DMP1: variants seen among roughly 807,000 people sequenced by gnomAD.
DMP1 encodes dentin matrix acidic phosphoprotein 1.
Under a neutral mutation model 14.6 loss-of-function variants are expected in DMP1, and 20 were observed. The ratio of observed to expected loss-of-function variants is 1.37; its 90% CI spans 0.96 to 1.99. The LOEUF (loss-of-function observed/expected upper bound fraction) is 1.99, where lower values mean the gene tolerates loss of function less well. Ranked by LOEUF, DMP1 falls within the 30% of genes most tolerant of loss-of-function variation. DMP1 has a pLI of 0.00. For synonymous variants in DMP1, 197 were observed against 215.3 expected (o/e 0.91, Z 0.75); for missense variants, 567 against 620.5 (o/e 0.91, Z 0.92).
At chr4:87,660,921 G>C (rs1016634716) in intron 5 of DMP1, 2 of 152,098 alleles carry the variant, frequency 1.3e-5, no homozygotes, top group African/African-American at 4.8e-5. Context: ...AAAAAAATTG[G>C]GGTCATTTTA....
At chr4:87,650,931 A>G (rs1026804298) in intron 1 of DMP1, among the ~76,000 whole-genome samples, 4 of 152,222 alleles carry the variant, frequency 2.6e-5, no homozygotes, top group Admixed American at 6.5e-5. Flanking sequence ...TGTGATAATT[A>G]TGTTTTTTGT....
chr4:87,655,616 AT>A (rs1468700616), intron 1 of DMP1, among the ~76,000 whole-genome samples: 1 of 152,148 alleles, frequency 6.6e-6, no homozygotes, highest in African/African-American at 2.4e-5. Context: ...GCAAAAAAAA[AT>A]CTATTTTGTG....
chr4:87,662,593 G>C lies in DMP1; in HGVS notation c.815G>C (p.Arg272Pro). Residue 272 changes from arginine (R) to proline (P), a missense_variant, in exon 6 of 6, where the codon CGC becomes CCC. Physicochemically the swap from Arg to Pro is moderately radical, Grantham distance 103. Coordinates refer to ENST00000339673, the MANE Select transcript of DMP1 (RefSeq NM_004407.4). ...AGTAGGAAAATTTTTAGGAAGTCTC[G>C]CATCTCAGAGGAAGATGACAGAAGC... Reference protein sequence around the residue: ...HPSRKIFRKSRISEEDDRSEL... With the variant: ...HPSRKIFRKSPISEEDDRSEL... The C allele has an allele frequency of 1.2e-6, 2 of 1,614,046 alleles. No homozygotes were observed. Among genetic ancestry groups the C allele is most frequent in the Non-Finnish European group, 1.7e-6 (2 of 1,179,982 alleles).
At chr4:87,651,218 G>A (rs1159444632) in intron 1 of DMP1, among the ~76,000 whole-genome samples, 5 of 152,034 alleles carry the variant, frequency 3.3e-5, no homozygotes, top group South Asian at 2.1e-4. Context: ...TTAAAAATGC[G>A]AACAAACTAT....
Position 87,656,544 on chromosome 4 carries a change from C to A in DMP1, c.52C>A (p.Pro18Thr). ...MFLWGLSCAL[P>T]VTRYQNNESE... Reference sequence around the variant, plus strand: ...CCTTTGGGGATTATCCTGTGCTCTCCCAGTAAGTATTAGGGTAGGGATATA... The same window carrying A: ...CCTTTGGGGATTATCCTGTGCTCTCACAGTAAGTATTAGGGTAGGGATATA... Residue 18 changes from proline (P) to threonine (T), a missense_variant and splice_region_variant, in exon 2 of 6, where the codon CCA becomes ACA. Pro to Thr is a conservative substitution (Grantham distance 38, BLOSUM62 -1). Transcript: ENST00000339673. The A allele has an allele frequency of 6.2e-7, 1 of 1,603,162 alleles. No homozygotes were observed. The highest frequency in any genetic ancestry group is 8.5e-7 in the Non-Finnish European group (1 of 1,170,216).
Position 87,650,921 on chromosome 4 carries a change from T to C in DMP1, c.-22+537T>C, listed in dbSNP as rs563964006. Among the ~76,000 whole-genome samples, 4 of 152,296 alleles carry C rather than the reference T, an allele frequency of 2.6e-5. No individual in the cohort carries two copies. In the South Asian group the frequency reaches 8.3e-4, roughly 32 times the overall value. ...ATTAAACTACTGAAATAACTGAGGG[T>C]GTGATAATTATGTTTTTTGTATTCA... On this transcript the variant is annotated intron_variant, in intron 1 of 5. Coordinates refer to ENST00000339673, the MANE Select transcript of DMP1 (RefSeq NM_004407.4).
In DMP1 at chr4:87,657,880, C is replaced by T. The variant is rs187631789; in HGVS notation, c.102+801C>T. Among the ~76,000 whole-genome samples the T allele has an allele frequency of 5.3e-5, 8 of 152,350 alleles. No individual in the cohort carries two copies. The East Asian group carries it at 1.3e-3, about 26-fold the overall frequency. ...CTACTGGCTTTTACATATGATAAAG[C>T]TTGGCCCCAATGCTTTTGGTGGTGG... On this transcript the variant is annotated intron_variant, in intron 3 of 5. Coordinates refer to ENST00000339673, the MANE Select transcript of DMP1 (RefSeq NM_004407.4).
intron 5 of DMP1, chr4:87,660,639 A>G (rs1333335020): frequency 6.6e-6 from 1 of 152,252 alleles, no homozygotes; most frequent in Non-Finnish European, 1.5e-5. Context: ...AGCATAATGT[A>G]TGAAGACTCA....
intron 1 of DMP1, among the ~76,000 whole-genome samples, chr4:87,655,866 G>T (rs185876178): frequency 4.7e-4 from 72 of 152,150 alleles, no homozygotes; most frequent in Non-Finnish European, 7.6e-4. Flanking sequence ...TTACTTTTTC[G>T]TCAATTTATC....
Position 87,662,083 on chromosome 4 carries a change from AAGATGACGATGAAGATGACAGTGG to A in DMP1, c.313_336del (p.Asp105_Asp112del). 1 of 1,614,182 alleles carries A rather than the reference AAGATGACGATGAAGATGACAGTGG, an allele frequency of 6.2e-7. No homozygotes were observed. The highest frequency in any genetic ancestry group is 8.5e-7 in the Non-Finnish European group (1 of 1,180,024). On this transcript the variant is annotated inframe_deletion, in exon 6 of 6. Transcript: ENST00000339673. ...AGCACAGGAAAAGGAGGAGATGATA[AAGATGACGATGAAGATGACAGTGG>A]AGATGACACCTTTGGTGACGATGAC... is the stretch of plus-strand genomic sequence containing the variant.
chr4:87,654,166 G>T (rs1728619228), intron 1 of DMP1, among the ~76,000 whole-genome samples: 1 of 152,064 alleles, frequency 6.6e-6, no homozygotes, highest in African/African-American at 2.4e-5. Context: ...AAACTAGGGG[G>T]GTCAGAGAAT....
At chr4:87,659,583 C>T (rs1343538613) in intron 5 of DMP1, 105 bp downstream of exon 5, 5 of 1,149,850 alleles carry the variant, frequency 4.3e-6, no homozygotes, top group Non-Finnish European at 5.3e-6. Flanking sequence ...TATTTTCTAA[C>T]TATGAGTTAT....
At chr4:87,661,152 C>T (rs531405908) in intron 5 of DMP1, among the ~76,000 whole-genome samples, 6 of 151,374 alleles carry the variant, frequency 4.0e-5, no homozygotes, top group African/African-American at 1.2e-4. Flanking sequence ...ATTCTCCTGC[C>T]TCAGCCTCCC....
In DMP1 at chr4:87,662,993, C is replaced by T. The variant is rs907677714; in HGVS notation, c.1215C>T (p.Asp405=). 1 of 1,614,182 alleles carries T rather than the reference C, an allele frequency of 6.2e-7. No homozygotes were observed. Among genetic ancestry groups the T allele is most frequent in the Admixed American group, 1.7e-5 (1 of 60,030 alleles). The change falls in exon 6 of 6, where the codon GAC becomes GAT. Residue 405 remains aspartate, a synonymous_variant. Transcript: ENST00000339673. ...SKSESREEQA[D]SESSESLNFS... ...GTGAATCCAGAGAGGAGCAAGCAGACAGCGAATCCAGTGAGAGCCTCAACT... is the reference window on the plus strand; with the variant it reads ...GTGAATCCAGAGAGGAGCAAGCAGATAGCGAATCCAGTGAGAGCCTCAACT...
rs1728771665 is a variant in DMP1, at chr4:87,658,764, A to G, written c.103-456A>G. ...TTGCCCACCTTCACCTAGAGTAACC[A>G]ACCATCTCGGTTTACCTGGAACTTA... On this transcript the variant is annotated intron_variant, in intron 3 of 5. Transcript: ENST00000339673. The G allele has an allele frequency of 3.2e-5, 6 of 189,994 alleles. No homozygotes were observed. In the South Asian group the frequency reaches 4.8e-4, roughly 15 times the overall value. 11.8% of individuals were successfully genotyped at this position (189,994 alleles called of 1,614,324 possible). A position where few individuals can be genotyped will look rare whatever the true frequency, so the allele number is the denominator to read the frequency against.
chr4:87,652,387 A>C (rs566806129), intron 1 of DMP1, among the ~76,000 whole-genome samples: 1 of 152,312 alleles, frequency 6.6e-6, no homozygotes, highest in African/African-American at 2.4e-5. Flanking sequence ...AATTATTTTT[A>C]TCAGAAATAC....
chr4:87,662,594 C>T lies in DMP1; in HGVS notation c.816C>T (p.Arg272=). The T allele has an allele frequency of 1.2e-6, 2 of 1,614,102 alleles. No homozygotes were observed. The highest frequency in any genetic ancestry group is 1.1e-5 in the South Asian group (1 of 91,076). Residue 272 remains arginine, a synonymous_variant, in exon 6 of 6, where the codon CGC becomes CGT. Transcript: ENST00000339673. ...GTAGGAAAATTTTTAGGAAGTCTCG[C>T]ATCTCAGAGGAAGATGACAGAAGCG... The part of the protein sequence containing the change: ...HPSRKIFRKS[R]ISEEDDRSEL...
At chr4:87,658,607 A>G (rs914795460) in intron 3 of DMP1, among the ~76,000 whole-genome samples, 2 of 152,222 alleles carry the variant, frequency 1.3e-5, no homozygotes, top group South Asian at 4.1e-4. Context: ...CATGTTGAAT[A>G]AATAGTTTTC....
Position 87,662,550 on chromosome 4 carries a change from C to A in DMP1, c.772C>A (p.Gln258Lys), listed in dbSNP as rs1728936182. The A allele has an allele frequency of 1.2e-6, 2 of 1,614,116 alleles. No individual in the cohort carries two copies. The highest frequency in any genetic ancestry group is 2.2e-5 in the East Asian group (1 of 44,878). ...QANTQDSGGS[Q>K]LLEHPSRKIF... Reference sequence around the variant, plus strand: ...AAACACTCAAGATTCAGGTGGCAGCCAATTGCTGGAGCATCCCAGTAGGAA... The same window carrying A: ...AAACACTCAAGATTCAGGTGGCAGCAAATTGCTGGAGCATCCCAGTAGGAA... Residue 258 changes from glutamine to lysine, a missense_variant, in exon 6 of 6, where the codon CAA becomes AAA. By Grantham distance (53) the Gln-to-Lys change is moderately conservative. Transcript: ENST00000339673.
Sources: allele counts gnomAD v4.1 joint callset (sites outside exome capture counted in the v4.1 genomes callset), GRCh38; gene constraint gnomAD v4.1.1; transcripts MANE v1.5; gene names NCBI Gene and HGNC (gene_info 2026-07-23, HGNC 2026-07-21).